Variants in SETX observed in about 807,000 individuals in gnomAD.
The protein encoded by SETX is senataxin.
A neutral mutation model predicts 227.2 loss-of-function variants in SETX; 90 were observed. The observed-to-expected ratio is 0.40, with a 90% CI of 0.33 to 0.47. The LOEUF (loss-of-function observed/expected upper bound fraction) is 0.47. Among genes scored for constraint, SETX ranks in the 20% least tolerant of loss-of-function variants. SETX has a pLI of 0.91. For synonymous variants in SETX, 1,210 were observed against 1,113.2 expected (o/e 1.09, Z -1.73); for missense variants, 3,052 against 3,181.5 (o/e 0.96, Z 0.98).
Position 132,329,855 on chromosome 9 carries a change from G to T in SETX, c.1743C>A (p.Thr581=). The T allele has an allele frequency of 3.1e-6, 5 of 1,614,028 alleles. No individual in the cohort carries two copies. Among genetic ancestry groups the T allele is most frequent in the Non-Finnish European group, 4.2e-6 (5 of 1,180,002 alleles). The stretch of plus-strand genomic sequence containing the variant: ...GCTTTAAGCAACTTTGTAGCTCATG[G>T]GTTTCCTGACTAGTCAACTGCCAAC... ...SLGWQLTSQE[T]HELQSCLKQI... Residue 581 remains threonine (T), a synonymous_variant, in exon 10 of 26, where the codon ACC becomes ACA. Transcript: ENST00000224140.
intron 4 of SETX, among the ~76,000 whole-genome samples, chr9:132,344,702 T>C (rs539332831): frequency 6.6e-6 from 1 of 152,088 alleles, no homozygotes; most frequent in African/African-American, 2.4e-5. Context: ...TGGCAAAACC[T>C]GTCTCTACTA....
At chr9:132,333,410 T>TATAA (rs1847381457) in intron 7 of SETX, among the ~76,000 whole-genome samples, 1 of 96,392 alleles carries the variant, frequency 1.0e-5, no homozygotes, top group African/African-American at 4.9e-5. Context: ...AAAAAAAAAA[T>TATAA]ATATATACAC....
At chr9:132,290,574 CAAAAAAAAAAAA>C (rs59954158) in intron 15 of SETX, among the ~76,000 whole-genome samples, 630 of 44,728 alleles carry the variant, frequency 0.014, 13 homozygotes, top group African/African-American at 0.035. Flanking sequence ...GACTCCGTCT[CAAAAAAAAAAAA>C]AAAAAAAAAA....
At chr9:132,321,596 G>C (rs906551657) in intron 10 of SETX, among the ~76,000 whole-genome samples, 1 of 143,902 alleles carries the variant, frequency 6.9e-6, no homozygotes, top group Non-Finnish European at 1.5e-5. Context: ...GGCGGAGCTT[G>C]CAGTGAGCTG....
At chr9:132,344,168 G>C (rs1466389258) in intron 4 of SETX, among the ~76,000 whole-genome samples, 1 of 152,140 alleles carries the variant, frequency 6.6e-6, no homozygotes, top group African/African-American at 2.4e-5. Flanking sequence ...GTTGAAAAAA[G>C]ATCCATGTAT....
chr9:132,299,922 A>G (rs1187372090), intron 12 of SETX, among the ~76,000 whole-genome samples: 1 of 152,052 alleles, frequency 6.6e-6, no homozygotes, highest in African/African-American at 2.4e-5. Context: ...GGGGGTGAGG[A>G]GTTCGAGACC....
chr9:132,327,775 G>A lies in SETX; in HGVS notation c.3823C>T (p.Arg1275Cys), dbSNP rs760272692. 2.4e-5 allele frequency: 38 copies of A among 1,614,050 alleles called. No homozygotes were observed. The highest frequency in any genetic ancestry group is 1.2e-4 in the Admixed American group (7 of 59,996). The change falls in exon 10 of 26, where the codon CGT (arginine) becomes TGT (cysteine). Residue 1275 changes from arginine (R) to cysteine (C), a missense_variant. Physicochemically the swap from Arg to Cys is radical, Grantham distance 180 (BLOSUM62 -3). Around this residue, in one of 10 missense-constraint regions of SETX, gnomAD observed 1,483 missense variants for 1,312.0 expected, o/e 1.13. Transcript: ENST00000224140. The stretch of plus-strand genomic sequence containing the variant: ...GTTGAAGTTGGCTCAGGACACTGAC[G>A]AAATTTCTTTGGCGGCACTATAGCA... ...TPAIVPPKKF[R>C]QCPEPTSTAE...
Position 132,264,175 on chromosome 9 carries a change from C to A in SETX, c.*64G>T. ...AAAAAACAAGCTTATCTAGATGGTC[C>A]CACGAGCTGGTCATCTTCAGTTTAC... On this transcript the variant is annotated 3_prime_UTR_variant, in exon 26 of 26. Coordinates refer to ENST00000224140, the MANE Select transcript of SETX (RefSeq NM_015046.7). 6.2e-7 allele frequency: 1 copy of A among 1,607,586 alleles called. No individual in the cohort carries two copies. The highest frequency in any genetic ancestry group is 8.5e-7 in the Non-Finnish European group (1 of 1,178,272).
At chr9:132,279,875 C>A (rs1278074108) in intron 20 of SETX, among the ~76,000 whole-genome samples, 2 of 151,884 alleles carry the variant, frequency 1.3e-5, no homozygotes, top group Admixed American at 6.6e-5. Context: ...GAAAAAAAAA[C>A]CAATTCTGCA....
Position 132,281,454 on chromosome 9 carries a change from A to G in SETX, c.6654+13T>C, listed in dbSNP as rs774718186. On this transcript the variant is annotated intron_variant, in intron 20 of 25. Transcript: ENST00000224140. ...CCTTCCATTTTAAAGCAATCTGAAC[A>G]TAAAAAACTTACCATAGAGATGACT... The G allele has an allele frequency of 1.3e-6, 2 of 1,593,438 alleles. No individual in the cohort carries two copies. The highest frequency in any genetic ancestry group is 1.1e-5 in the South Asian group (1 of 90,702).
At chr9:132,356,288 C>T (rs1353156062), upstream of SETX, among the ~76,000 whole-genome samples, 2 of 152,042 alleles carry the variant, frequency 1.3e-5, no homozygotes, top group Admixed American at 1.3e-4. Flanking sequence ...CTGCAACCTC[C>T]GCCTCCTGGG....
At chr9:132,321,067 A>T (rs946945166) in intron 10 of SETX, among the ~76,000 whole-genome samples, 7 of 152,126 alleles carry the variant, frequency 4.6e-5, no homozygotes, top group African/African-American at 1.4e-4. Flanking sequence ...GATAGTAGTA[A>T]ATGTTTACAC....
chr9:132,319,157 T>A (rs757710446), intron 10 of SETX, among the ~76,000 whole-genome samples: 1 of 152,086 alleles, frequency 6.6e-6, no homozygotes, highest in Non-Finnish European at 1.5e-5. Flanking sequence ...TATCACCAAG[T>A]CTTCTAAGTA....
intron 6 of SETX, among the ~76,000 whole-genome samples, chr9:132,335,162 G>A (rs538725065): frequency 2.0e-3 from 310 of 151,720 alleles, no homozygotes; most frequent in Non-Finnish European, 2.1e-3. Context: ...AGGCCAAGGC[G>A]GGCAGATCAC....
chr9:132,330,017 T>C lies in SETX; in HGVS notation c.1581A>G (p.Pro527=), dbSNP rs888362503. The C allele has an allele frequency of 6.2e-7, 1 of 1,614,206 alleles. No homozygotes were observed. Among genetic ancestry groups the C allele is most frequent in the Middle Eastern group, 1.6e-4 (1 of 6,062 alleles). ...CATAAGCAAGTTGTACAGAGTTAGA[T>C]GGCATGGAATGCAATGACAGTGAAG... The part of the protein sequence containing the change: ...MISSLSLHSM[P]SNSVQLAYVQ... Residue 527 remains proline, a synonymous_variant, in exon 10 of 26, where the codon CCA becomes CCG. Transcript: ENST00000224140.
chr9:132,344,583 C>T (rs1055231821), intron 4 of SETX, among the ~76,000 whole-genome samples: 4 of 152,160 alleles, frequency 2.6e-5, no homozygotes, highest in South Asian at 2.1e-4. Context: ...ATTTTAGTAT[C>T]GTTATTTTGG....
At chr9:132,288,203 A>G (rs372993539) in intron 17 of SETX, 33 bp downstream of exon 17, 2 of 1,557,094 alleles carry the variant, frequency 1.3e-6, no homozygotes, top group Non-Finnish European at 1.8e-6. Context: ...TAGTTCGTAT[A>G]CCTGAGTTAT....
intron 5 of SETX, among the ~76,000 whole-genome samples, chr9:132,337,829 G>T (rs1847721574): frequency 6.6e-6 from 1 of 152,158 alleles, no homozygotes; most frequent in African/African-American, 2.4e-5. Context: ...AAATTTAGGA[G>T]ATCTTGATGA....
rs75682594 is a variant in SETX, at chr9:132,262,539, C to A, written c.*1700G>T. ...TCCTGAACTGTCGCACACTGCATGG[C>A]CAAAGACAAACTCTCCACCCCCACA... On this transcript the variant is annotated 3_prime_UTR_variant, in exon 26 of 26. Coordinates refer to ENST00000224140, the MANE Select transcript of SETX (RefSeq NM_015046.7). The A allele has an allele frequency of 0.047, 7,155 of 152,500 alleles. 535 individuals are homozygous for A. The highest frequency in any genetic ancestry group is 0.38 in the East Asian group (1,942 of 5,152). The allele number at this position is 152,500 out of a possible 1,614,324, so 9.4% of individuals were successfully genotyped here.
Sources: gnomAD v4.1 joint callset for allele counts (sites outside exome capture counted in the v4.1 genomes callset) on GRCh38, gnomAD v4.1.1 for gene constraint, gnomAD v4.1.1 regional missense constraint, MANE v1.5 for transcripts, NCBI Gene and HGNC (gene_info 2026-07-23, HGNC 2026-07-21) for gene names.